KCNH8: variants seen among roughly 807,000 people sequenced by gnomAD.
KCNH8 encodes voltage-gated delayed rectifier potassium channel KCNH8.
Under a neutral mutation model 103.6 loss-of-function variants are expected in KCNH8, and 70 were observed. The observed-to-expected ratio is 0.68, with a 90% CI of 0.56 to 0.82. KCNH8 has a LOEUF of 0.82. Among genes scored for constraint, KCNH8 ranks in the 40% least tolerant of loss-of-function variants. KCNH8 has a pLI of 0.00. For missense variants in KCNH8, 1,217 were observed against 1,329.9 expected (o/e 0.92, Z 1.32); for synonymous variants, 498 against 489.4 (o/e 1.02, Z -0.23).
chr3:19,150,311 T>C (rs1014686043), intron 1 of KCNH8, among the ~76,000 whole-genome samples: 4 of 152,116 alleles, frequency 2.6e-5, no homozygotes. Flanking sequence ...ACTATTTTAC[T>C]ATTCATTACC....
Position 19,513,281 on chromosome 3 carries a change from A to C in KCNH8, c.2391A>C (p.Gln797His). 6.2e-7 allele frequency: 1 copy of C among 1,612,290 alleles called. No individual in the cohort carries two copies. Among genetic ancestry groups the C allele is most frequent in the South Asian group, 1.1e-5 (1 of 90,912 alleles). The change falls in exon 13 of 16, where the codon CAA (glutamine) becomes CAC (histidine). Residue 797 changes from glutamine to histidine, a missense_variant. Physicochemically the swap from Gln to His is conservative, Grantham distance 24. Coordinates refer to ENST00000328405, the MANE Select transcript of KCNH8 (RefSeq NM_144633.3). ...NKRKEKNLKL[Q>H]LSTLNNAGPP... ...GGAAAGAGAAGAACTTGAAATTGCA[A>C]CTTTCAACTTTGAATAATGCTGGAC... is the stretch of plus-strand genomic sequence containing the variant.
intron 3 of KCNH8, among the ~76,000 whole-genome samples, chr3:19,341,683 T>C (rs2125316372): frequency 6.6e-6 from 1 of 152,176 alleles, no homozygotes; most frequent in African/African-American, 2.4e-5. Flanking sequence ...TCAATACAAA[T>C]GAACAATAAA....
At chr3:19,283,117 C>G (rs1019842252) in intron 3 of KCNH8, among the ~76,000 whole-genome samples, 2 of 152,158 alleles carry the variant, frequency 1.3e-5, no homozygotes, top group Non-Finnish European at 2.9e-5. Context: ...AAATTATATT[C>G]TTCTTCTTTT....
At chr3:19,296,108 TG>T (rs1203779273) in intron 3 of KCNH8, among the ~76,000 whole-genome samples, 2 of 152,172 alleles carry the variant, frequency 1.3e-5, no homozygotes, top group Non-Finnish European at 2.9e-5. Context: ...ACACTTTGTG[TG>T]GGGGAACAAT....
rs1202534116 is a variant in KCNH8, at chr3:19,345,656, T to G, written c.571-2069T>G. On this transcript the variant is annotated intron_variant, in intron 4 of 15. Coordinates refer to ENST00000328405, the MANE Select transcript of KCNH8 (RefSeq NM_144633.3). ...TTTTTTTTTACAATTTTAAGAATTTTTTTCATTCAAAAGGATTTTGATAAA... is the reference window on the plus strand; with the variant it reads ...TTTTTTTTTACAATTTTAAGAATTTGTTTCATTCAAAAGGATTTTGATAAA... Among the ~76,000 whole-genome samples the G allele has an allele frequency of 2.0e-5, 3 of 152,038 alleles. No individual in the cohort carries two copies. The South Asian group carries it at 6.2e-4, about 31-fold the overall frequency.
At chr3:19,154,727 G>A (rs954670033) in intron 1 of KCNH8, among the ~76,000 whole-genome samples, 31 of 152,294 alleles carry the variant, frequency 2.0e-4, no homozygotes, top group Admixed American at 7.2e-4. Context: ...CTCCTCCAGG[G>A]CGGTTTACCC....
chr3:19,307,632 C>T (rs1209929941), intron 3 of KCNH8, among the ~76,000 whole-genome samples: 1 of 151,832 alleles, frequency 6.6e-6, no homozygotes, highest in African/African-American at 2.4e-5. Context: ...CAGTAGGCAA[C>T]CTATGGAATC....
intron 5 of KCNH8, among the ~76,000 whole-genome samples, chr3:19,354,080 T>G (rs1030017973): frequency 6.6e-6 from 1 of 152,114 alleles, no homozygotes; most frequent in African/African-American, 2.4e-5. Flanking sequence ...AGCATTCCTA[T>G]ACACCAATAA....
chr3:19,269,749 C>T (rs553941662), intron 2 of KCNH8, among the ~76,000 whole-genome samples: 8 of 152,226 alleles, frequency 5.3e-5, no homozygotes, highest in South Asian at 2.1e-4. Context: ...AAGCAGCTTC[C>T]GCTCATGGAT....
In KCNH8 at chr3:19,450,229, C is replaced by T; in HGVS notation, c.1499C>T (p.Pro500Leu). ...GATTTCATCCGTGTCCATCACTTGCCCCAACAACTCAAGCAGAGGATGCTC... is the reference window on the plus strand; with the variant it reads ...GATTTCATCCGTGTCCATCACTTGCTCCAACAACTCAAGCAGAGGATGCTC... ...LKDFIRVHHL[P>L]QQLKQRMLEY... The change falls in exon 9 of 16, where the codon CCC (proline) becomes CTC (leucine). Residue 500 changes from proline to leucine, a missense_variant. Physicochemically the swap from Pro to Leu is moderately conservative, Grantham distance 98. Transcript: ENST00000328405. 6.2e-7 allele frequency: 1 copy of T among 1,613,592 alleles called. No individual in the cohort carries two copies. The highest frequency in any genetic ancestry group is 8.5e-7 in the Non-Finnish European group (1 of 1,179,770).
intron 7 of KCNH8, among the ~76,000 whole-genome samples, chr3:19,429,930 G>A (rs2067095041): frequency 6.6e-6 from 1 of 152,178 alleles, no homozygotes; most frequent in African/African-American, 2.4e-5. Flanking sequence ...ATTTAATGGT[G>A]TATATCTACT....
chr3:19,187,186 T>G (rs1451897699), intron 1 of KCNH8, among the ~76,000 whole-genome samples: 1 of 151,876 alleles, frequency 6.6e-6, no homozygotes, highest in Non-Finnish European at 1.5e-5. Flanking sequence ...TGATTAACAT[T>G]TAACCAATAG....
chr3:19,419,604 A>G (rs2066920921), intron 7 of KCNH8, among the ~76,000 whole-genome samples: 2 of 151,568 alleles, frequency 1.3e-5, no homozygotes, highest in African/African-American at 4.8e-5. Flanking sequence ...ATTTTTTGTT[A>G]TTTTTTCATT....
At chr3:19,485,088 G>T (rs1411197335) in intron 11 of KCNH8, among the ~76,000 whole-genome samples, 1 of 152,136 alleles carries the variant, frequency 6.6e-6, no homozygotes, top group Non-Finnish European at 1.5e-5. Flanking sequence ...TCGGTAGGCG[G>T]CATGTAGCTT....
At chr3:19,514,526 GACAT>G (rs1209961553) in intron 13 of KCNH8, among the ~76,000 whole-genome samples, 1 of 151,570 alleles carries the variant, frequency 6.6e-6, no homozygotes, top group South Asian at 2.1e-4. Flanking sequence ...ATATTTTGAG[GACAT>G]ACATCAAAAT....
At chr3:19,176,413 G>A (rs1198341617) in intron 1 of KCNH8, among the ~76,000 whole-genome samples, 1 of 152,080 alleles carries the variant, frequency 6.6e-6, no homozygotes, top group Non-Finnish European at 1.5e-5. Context: ...GTTTAAGTAA[G>A]AACATTACCG....
At chr3:19,439,244 ATT>A (rs1427911041) in intron 8 of KCNH8, among the ~76,000 whole-genome samples, 3 of 152,206 alleles carry the variant, frequency 2.0e-5, no homozygotes, top group African/African-American at 7.2e-5. Context: ...AGGAACAAAT[ATT>A]TCTTATATGA....
rs559989126 is a variant in KCNH8, at chr3:19,458,616, T to C, written c.2040+1634T>C. ...ATTTGTGGTGAGAACACTTAAAATC[T>C]CCTCCCTTAGCAATTTTCAAGTGTA... On this transcript the variant is annotated intron_variant, in intron 11 of 15. Transcript: ENST00000328405. 3.9e-5 allele frequency among the ~76,000 whole-genome samples: 6 copies of C among 152,072 alleles called. No individual in the cohort carries two copies. The South Asian group carries it at 1.0e-3, about 26-fold the overall frequency.
At chr3:19,261,027 A>G (rs1256565668) in intron 2 of KCNH8, among the ~76,000 whole-genome samples, 2 of 149,014 alleles carry the variant, frequency 1.3e-5, no homozygotes, top group Non-Finnish European at 3.0e-5. Context: ...ATTGATGGAC[A>G]CCTAAGTTTG....
Sources: allele counts gnomAD v4.1 joint callset (sites outside exome capture counted in the v4.1 genomes callset), GRCh38; gene constraint gnomAD v4.1.1; transcripts MANE v1.5; gene names NCBI Gene and HGNC (gene_info 2026-07-23, HGNC 2026-07-21).